C5orf58: variants seen among roughly 807,000 people sequenced by gnomAD.
The protein encoded by C5orf58 is putative uncharacterized protein C5orf58.
A neutral mutation model predicts 2.9 loss-of-function variants in C5orf58; 2 were observed. That is an observed-to-expected ratio of 0.69 (90% CI 0.28 to 2.18). The LOEUF (loss-of-function observed/expected upper bound fraction) is 2.18. Among genes scored for constraint, C5orf58 ranks in the 30% most tolerant of loss-of-function variants. The pLI is 0.13. For synonymous variants in C5orf58, 37 were observed against 33.4 expected (o/e 1.11, Z -0.37); for missense variants, 96 against 91.7 (o/e 1.05, Z -0.19).
intron 3 of C5orf58, among the ~76,000 whole-genome samples, chr5:170,245,375 G>A (rs1438543794): frequency 2.6e-5 from 4 of 152,194 alleles, no homozygotes; most frequent in South Asian, 4.1e-4. Context: ...CCCCAGCCTC[G>A]CTGCTGCCTT....
chr5:170,249,380 A>ATATATATATC (rs57880741), downstream of C5orf58, among the ~76,000 whole-genome samples: 6 of 148,016 alleles, frequency 4.1e-5, no homozygotes, highest in East Asian at 2.0e-4. Context: ...ATATATATAT[A>ATATATATATC]TCTACATATC....
At chr5:170,240,876 C>G (rs1760974163) in intron 3 of C5orf58, among the ~76,000 whole-genome samples, 1 of 151,926 alleles carries the variant, frequency 6.6e-6, no homozygotes, top group Non-Finnish European at 1.5e-5. Context: ...ATGGTAATGC[C>G]TAGGTTTTCT....
chr5:170,245,142 A>G (rs1554138896), intron 3 of C5orf58, among the ~76,000 whole-genome samples: 1 of 152,190 alleles, frequency 6.6e-6, no homozygotes, highest in Non-Finnish European at 1.5e-5. Flanking sequence ...TCAGATCTCC[A>G]GCTGCGTGCT....
At chr5:170,233,113 A>G (rs898323411) in intron 1 of C5orf58, 106 bp downstream of exon 1, 8 of 387,896 alleles carry the variant, frequency 2.1e-5, no homozygotes, top group African/African-American at 1.5e-4. Context: ...CCACCACCCA[A>G]CGGGTGGGCG....
At chr5:170,249,919 G>T (rs573216755), downstream of C5orf58, among the ~76,000 whole-genome samples, 5 of 152,290 alleles carry the variant, frequency 3.3e-5, no homozygotes, top group Admixed American at 3.3e-4. Context: ...ATCTTGAAGG[G>T]CAAATACCTC....
chr5:170,248,902 A>AT, downstream of C5orf58: 1 of 1,332,862 alleles, frequency 7.5e-7, no homozygotes, highest in Non-Finnish European at 1.1e-6. Flanking sequence ...TCTGCATAAT[A>AT]TATGCTGCCT....
intron 3 of C5orf58, among the ~76,000 whole-genome samples, chr5:170,239,084 A>G (rs1760866188): frequency 6.6e-6 from 1 of 152,208 alleles, no homozygotes; most frequent in Non-Finnish European, 1.5e-5. Flanking sequence ...AGGAGAGGAG[A>G]GACGTTTAAC....
intron 3 of C5orf58, 57 bp from the exon 4 acceptor site, chr5:170,245,905 A>G: frequency 6.6e-7 from 1 of 1,504,010 alleles, no homozygotes; most frequent in Non-Finnish European, 9.1e-7. Context: ...TAAAGCAATA[A>G]TAGTTTTTTA....
At chr5:170,245,083 A>G (rs1761201780) in intron 3 of C5orf58, among the ~76,000 whole-genome samples, 1 of 152,116 alleles carries the variant, frequency 6.6e-6, no homozygotes, top group African/African-American at 2.4e-5. Context: ...CCTCCCAGTT[A>G]GCCGGGTCAG....
downstream of C5orf58, chr5:170,247,724 G>T (rs914081228): frequency 4.6e-5 from 7 of 152,156 alleles, no homozygotes; most frequent in Non-Finnish European, 1.0e-4. Flanking sequence ...GAGCTGTCAG[G>T]GGGATAACAA....
chr5:170,246,298 G>A (rs1761290193), downstream of C5orf58: 2 of 488,844 alleles, frequency 4.1e-6, 1 homozygote, highest in Non-Finnish European at 7.0e-6. Context: ...AATGGCAAGT[G>A]TATGACATAG....
At chr5:170,248,873 T>A, downstream of C5orf58, 1 of 1,586,254 alleles carries the variant, frequency 6.3e-7, no homozygotes, top group South Asian at 1.1e-5. Context: ...AAGCAGGAAC[T>A]TCACTTTCAG....
chr5:170,233,931 T>C (rs981549001), intron 1 of C5orf58, 184 bp from the exon 2 acceptor site: 2 of 366,770 alleles, frequency 5.5e-6, no homozygotes, highest in African/African-American at 4.3e-5. Context: ...TAAAAAACTT[T>C]TGCCTTGTTT....
Position 170,234,289 on chromosome 5 carries a change from G to T in C5orf58, c.-1+91G>T. On this transcript the variant is annotated intron_variant, in intron 2 of 3. Transcript: ENST00000593851. ...GGAGTTGTGTATGCTAATTGAGATG[G>T]AGTTTTTCAAGTCATTTTGAGAGAC... 4.1e-6 allele frequency: 3 copies of T among 736,376 alleles called. No homozygotes were observed. The South Asian group carries it at 4.3e-5, about 11-fold the overall frequency. The allele number at this position is 736,376 out of a possible 1,614,324, so 45.6% of individuals were successfully genotyped here. A position where few individuals can be genotyped will look rare whatever the true frequency, so the allele number is the denominator to read the frequency against.
At chr5:170,252,469 G>A (rs765650542), downstream of C5orf58, 13 of 1,588,776 alleles carry the variant, frequency 8.2e-6, no homozygotes, top group Admixed American at 3.4e-5. Flanking sequence ...TCTGCCTCTG[G>A]TCGGGTAATA....
At chr5:170,245,494 G>A (rs984734154) in intron 3 of C5orf58, among the ~76,000 whole-genome samples, 6 of 152,270 alleles carry the variant, frequency 3.9e-5, no homozygotes, top group East Asian at 1.9e-4. Context: ...TTTTTAAGCC[G>A]GTCTGAAAAG....
intron 3 of C5orf58, among the ~76,000 whole-genome samples, chr5:170,240,631 TTTC>T (rs1322002803): frequency 2.6e-5 from 4 of 151,860 alleles, no homozygotes; most frequent in East Asian, 3.9e-4. Flanking sequence ...TGTTTGTTTT[TTTC>T]TTGTAAATTT....
intron 3 of C5orf58, among the ~76,000 whole-genome samples, chr5:170,242,736 G>C (rs919761183): frequency 6.6e-6 from 1 of 150,562 alleles, no homozygotes; most frequent in African/African-American, 2.5e-5. Flanking sequence ...CCAGCTCCTG[G>C]ATTCATTAAT....
chr5:170,250,780 G>A, downstream of C5orf58: 1 of 1,612,750 alleles, frequency 6.2e-7, no homozygotes, highest in Admixed American at 1.7e-5. Flanking sequence ...CTTTCCTTCT[G>A]ATAACGGATC....
Sources: gnomAD v4.1 joint callset for allele counts (sites outside exome capture counted in the v4.1 genomes callset) on GRCh38, gnomAD v4.1.1 for gene constraint, MANE v1.5 for transcripts, NCBI Gene and HGNC (gene_info 2026-07-23, HGNC 2026-07-21) for gene names.